PPARGC1A: variants seen among roughly 807,000 people sequenced by gnomAD.
PPARGC1A encodes the protein PPARG coactivator 1 alpha.
Under a neutral mutation model 88.7 loss-of-function variants are expected in PPARGC1A, and 25 were observed. The observed-to-expected ratio is 0.28, with a 90% CI of 0.21 to 0.39. The LOEUF (loss-of-function observed/expected upper bound fraction) is 0.39. Among genes scored for constraint, PPARGC1A ranks in the 10% least tolerant of loss-of-function variants. The pLI is 1.00. For missense variants in PPARGC1A, 880 were observed against 968.7 expected, an observed-to-expected ratio of 0.91 and a Z score of 1.22; for synonymous variants, 363 against 355.6, an observed-to-expected ratio of 1.02 and a Z score of -0.24.
chr4:23,966,348 CTGT>C, the PPARGC1A span, among the ~76,000 whole-genome samples: 1 of 152,202 alleles, frequency 6.6e-6, no homozygotes, highest in Non-Finnish European at 1.5e-5. Flanking sequence ...CCCTGTGTGG[CTGT>C]TGAACATTTG....
the PPARGC1A span, among the ~76,000 whole-genome samples, chr4:24,424,773 C>T: frequency 6.6e-6 from 1 of 152,144 alleles, no homozygotes; most frequent in Non-Finnish European, 1.5e-5. Context: ...TTCAAAATTA[C>T]ATTGAAAAAT....
the PPARGC1A span, among the ~76,000 whole-genome samples, chr4:23,920,448 T>A: frequency 6.6e-6 from 1 of 152,192 alleles, no homozygotes; most frequent in Non-Finnish European, 1.5e-5. Context: ...CAATTTGTCA[T>A]CCATTACCAC....
chr4:24,189,028 G>C, the PPARGC1A span, among the ~76,000 whole-genome samples: 13 of 152,086 alleles, frequency 8.5e-5, no homozygotes, highest in African/African-American at 1.2e-4. Flanking sequence ...TCTTGCTAAA[G>C]TGAAATAAGC....
the PPARGC1A span, among the ~76,000 whole-genome samples, chr4:24,122,115 G>C: frequency 6.6e-6 from 1 of 152,130 alleles, no homozygotes; most frequent in Non-Finnish European, 1.5e-5. Context: ...AGTGTGCTTA[G>C]AACTTCAACG....
At chr4:23,823,733 T>C (rs1173723874) in intron 7 of PPARGC1A, among the ~76,000 whole-genome samples, 1 of 151,854 alleles carries the variant, frequency 6.6e-6, no homozygotes, top group East Asian at 1.9e-4. Flanking sequence ...ACATACACTA[T>C]ATATCTACAC....
chr4:24,182,227 A>G, the PPARGC1A span, among the ~76,000 whole-genome samples: 1 of 151,966 alleles, frequency 6.6e-6, no homozygotes, highest in African/African-American at 2.4e-5. Context: ...ACTCCCACTT[A>G]TGAGTGAGAA....
the PPARGC1A span, among the ~76,000 whole-genome samples, chr4:23,992,524 T>C: frequency 1.3e-3 from 201 of 152,078 alleles, 1 homozygote; most frequent in African/African-American, 4.3e-3. Context: ...CCTACCAAGT[T>C]TGCACCCAAA....
chr4:24,146,538 G>A, the PPARGC1A span, among the ~76,000 whole-genome samples: 1 of 152,190 alleles, frequency 6.6e-6, no homozygotes, highest in African/African-American at 2.4e-5. Flanking sequence ...TGCTGACTAG[G>A]GAGGCACAAC....
intron 10 of PPARGC1A, among the ~76,000 whole-genome samples, chr4:23,809,216 TC>T (rs1470373099): frequency 3.3e-5 from 5 of 152,152 alleles, no homozygotes; most frequent in Non-Finnish European, 7.4e-5. Flanking sequence ...ATTGCATGTA[TC>T]CCTGCACTCA....
chr4:24,181,946 G>A, the PPARGC1A span, among the ~76,000 whole-genome samples: 1 of 151,820 alleles, frequency 6.6e-6, no homozygotes. Flanking sequence ...GAGGAAACAA[G>A]ATCACATCTA....
At chr4:24,343,189 C>A in the PPARGC1A span, among the ~76,000 whole-genome samples, 1 of 152,266 alleles carries the variant, frequency 6.6e-6, no homozygotes, top group Admixed American at 6.5e-5. Flanking sequence ...CCCATACTTC[C>A]CACGTTAGTG....
the PPARGC1A span, among the ~76,000 whole-genome samples, chr4:24,383,692 G>GAATGT: frequency 7.9e-5 from 12 of 152,178 alleles, no homozygotes; most frequent in Middle Eastern, 3.4e-3. Flanking sequence ...CAATGAAAAA[G>GAATGT]AATGTACAAA....
the PPARGC1A span, among the ~76,000 whole-genome samples, chr4:24,472,333 G>A: frequency 6.6e-6 from 1 of 151,768 alleles, no homozygotes; most frequent in African/African-American, 2.4e-5. The surrounding 1 kb of genome is among the most constrained non-coding windows in gnomAD (Gnocchi z 4.5). Context: ...CGCGGCAGGG[G>A]GCAAGGGGCG....
chr4:24,371,960 GAAA>G, the PPARGC1A span, among the ~76,000 whole-genome samples: 1 of 146,358 alleles, frequency 6.8e-6, no homozygotes, highest in Non-Finnish European at 1.5e-5. Context: ...CAAAATAAAA[GAAA>G]AAAAAAAGTC....
At chr4:24,340,162 G>T in the PPARGC1A span, among the ~76,000 whole-genome samples, 1 of 152,158 alleles carries the variant, frequency 6.6e-6, no homozygotes, top group Non-Finnish European at 1.5e-5. Flanking sequence ...TTAAAATGTA[G>T]TCATGAATAG....
chr4:24,381,134 G>A, the PPARGC1A span, among the ~76,000 whole-genome samples: 5 of 152,160 alleles, frequency 3.3e-5, no homozygotes, highest in Non-Finnish European at 5.9e-5. Context: ...GAGAGGTCAT[G>A]GGAGCTGAGG....
the PPARGC1A span, among the ~76,000 whole-genome samples, chr4:24,143,796 G>C: frequency 6.6e-6 from 1 of 152,208 alleles, no homozygotes; most frequent in Non-Finnish European, 1.5e-5. Flanking sequence ...TTGTCAGGAA[G>C]GCTTAAGTCA....
At chr4:24,319,848 T>C in the PPARGC1A span, among the ~76,000 whole-genome samples, 1 of 152,224 alleles carries the variant, frequency 6.6e-6, no homozygotes, top group Non-Finnish European at 1.5e-5. Flanking sequence ...TTCTCTAAAG[T>C]ACCTCTTTCT....
chr4:23,906,477 G>A (rs899744530), upstream of PPARGC1A, among the ~76,000 whole-genome samples: 8 of 151,856 alleles, frequency 5.3e-5, no homozygotes, highest in East Asian at 1.9e-4. Flanking sequence ...GCTGGGCATG[G>A]TGGTGCATGC....
Sources: gnomAD v4.1 joint callset for allele counts (sites outside exome capture counted in the v4.1 genomes callset) on GRCh38, gnomAD v4.1.1 for gene constraint, Gnocchi (gnomAD v3.1) non-coding constraint, MANE v1.5 for transcripts, NCBI Gene and HGNC (gene_info 2026-07-23, HGNC 2026-07-21) for gene names.